Variants in MYH14 observed in about 807,000 individuals in gnomAD.
The protein encoded by MYH14 is myosin-14.
Under a neutral mutation model 255.5 loss-of-function variants are expected in MYH14, and 123 were observed. That is an observed-to-expected ratio of 0.48 (90% CI 0.42 to 0.56). The LOEUF (loss-of-function observed/expected upper bound fraction) is 0.56, where lower values mean the gene tolerates loss of function less well. Among genes scored for constraint, MYH14 ranks in the 20% least tolerant of loss-of-function variants. The pLI, the probability that MYH14 is intolerant of heterozygous loss-of-function variation, is 0.00. For missense variants in MYH14, 2,423 were observed against 2,802.3 expected, an observed-to-expected ratio of 0.86 and a Z score of 3.06; for synonymous variants, 1,095 against 1,161.2, an observed-to-expected ratio of 0.94 and a Z score of 1.16.
chr19:50,282,351 C>T (rs1410439253), intron 33 of MYH14, among the ~76,000 whole-genome samples: 1 of 152,188 alleles, frequency 6.6e-6, no homozygotes, highest in Non-Finnish European at 1.5e-5. Context: ...CTCTTGATGG[C>T]TGTGTGGCTT....
At chr19:50,240,562 G>A (rs1418246621) in intron 10 of MYH14, among the ~76,000 whole-genome samples, 5 of 151,898 alleles carry the variant, frequency 3.3e-5, no homozygotes, top group Non-Finnish European at 5.9e-5. Flanking sequence ...TCCAGCCTGG[G>A]CAACAGAGCA....
Position 50,219,054 on chromosome 19 carries a change from C to CTA in MYH14, c.562+1297_562+1298dup, listed in dbSNP as rs572041429. On this transcript the variant is annotated intron_variant, in intron 3 of 42. Transcript: ENST00000642316. The stretch of plus-strand genomic sequence containing the variant: ...ACCATGGGATATATACTCTCTCTCT[C>CTA]TATATATATATATATGAGTATTCCA... Among the ~76,000 whole-genome samples, 47 of 140,298 alleles carry CTA rather than the reference C, an allele frequency of 3.4e-4. No individual in the cohort carries two copies. The South Asian group carries it at 3.5e-3, about 11-fold the overall frequency. The allele number at this position is 140,298 out of a possible 152,430, so 92.0% of individuals were successfully genotyped here.
chr19:50,235,397 G>GT (rs2033614726), intron 10 of MYH14, among the ~76,000 whole-genome samples: 1 of 37,416 alleles, frequency 2.7e-5, no homozygotes, highest in Non-Finnish European at 9.1e-5. Flanking sequence ...TGCTCCAGCT[G>GT]GCCCCCCAGC....
rs149466156 is a variant in MYH14, at chr19:50,218,005, T to C, written c.562+234T>C. Among the ~76,000 whole-genome samples the C allele has an allele frequency of 3.9e-3, 601 of 152,176 alleles. 4 individuals are homozygous for C. The highest frequency in any genetic ancestry group is 0.024 in the Middle Eastern group (7 of 294). ...GTCTCTTTTATTATTGTTATTATTATTATTAGTTTGAGACGGAGTCTTGCT... is the reference window on the plus strand; with the variant it reads ...GTCTCTTTTATTATTGTTATTATTACTATTAGTTTGAGACGGAGTCTTGCT... On this transcript the variant is annotated intron_variant, in intron 3 of 42. Transcript: ENST00000642316.
intron 36 of MYH14, 64 bp downstream of exon 36, chr19:50,291,112 C>T: frequency 6.5e-7 from 1 of 1,548,544 alleles, no homozygotes; most frequent in Non-Finnish European, 8.8e-7. Flanking sequence ...AACCATCACT[C>T]CAGGGTCTAA....
Position 50,257,438 on chromosome 19 carries a change from C to A in MYH14, c.2184C>A (p.Asn728Lys). ...SLSRLMATLS[N>K]TNPSFVRCIV... is the part of the protein sequence containing the mutation. ...GCCGCCTCATGGCCACACTCAGCAA[C>A]ACCAACCCCAGTTTTGTCCGCTGCA... Residue 728 changes from asparagine (N) to lysine (K), a missense_variant, in exon 18 of 43, where the codon AAC becomes AAA. Physicochemically the swap from Asn to Lys is moderately conservative, Grantham distance 94. This residue lies in a region of MYH14 where 672 missense variants were observed against 881.8 expected (regional missense o/e 0.76). Coordinates refer to ENST00000642316, the MANE Select transcript of MYH14 (RefSeq NM_001145809.2). 1 of 1,608,172 alleles carries A rather than the reference C, an allele frequency of 6.2e-7. No individual in the cohort carries two copies. Among genetic ancestry groups the A allele is most frequent in the East Asian group, 2.2e-5 (1 of 44,714 alleles).
At chr19:50,287,694 T>C (rs887802934) in intron 34 of MYH14, among the ~76,000 whole-genome samples, 3 of 152,218 alleles carry the variant, frequency 2.0e-5, no homozygotes, top group East Asian at 1.9e-4. Context: ...ATTACAGGCA[T>C]GAGCCACTGC....
In MYH14 at chr19:50,270,365, A is replaced by G. The variant is rs548134204; in HGVS notation, c.3034-1044A>G. Among the ~76,000 whole-genome samples the G allele has an allele frequency of 2.6e-4, 40 of 152,034 alleles. No homozygotes were observed. In the East Asian group the frequency reaches 4.7e-3, roughly 18 times the overall value. ...GAAACCCCATCTCTACTAAAAATAC[A>G]AAAAATTAGCCAGGTGTGGTAGCGG... On this transcript the variant is annotated intron_variant, in intron 24 of 42. Transcript: ENST00000642316.
rs374603076 is a variant in MYH14, at chr19:50,227,664, A to G, written c.874+698A>G. Among the ~76,000 whole-genome samples the G allele has an allele frequency of 2.9e-4, 44 of 152,316 alleles. No individual in the cohort carries two copies. In the South Asian group the frequency reaches 8.3e-3, roughly 29 times the overall value. On this transcript the variant is annotated intron_variant, in intron 8 of 42. Coordinates refer to ENST00000642316, the MANE Select transcript of MYH14 (RefSeq NM_001145809.2). ...GCAGGCCTTTCCAGGGGAGCATCTC[A>G]GGACGGCTGTTTTCTGCTCAGATGG...
At position 50,268,303 on chromosome 19, in the gene MYH14, G is replaced by A; in HGVS notation, c.2969G>A (p.Gly990Asp). ...LVVSELEARV[G>D]EEEECSRQMQ... Reference sequence around the variant, plus strand: ...GTGTCAGAGCTGGAGGCTCGCGTGGGCGAGGAGGAGGAGTGCAGCCGTCAA... The same window carrying A: ...GTGTCAGAGCTGGAGGCTCGCGTGGACGAGGAGGAGGAGTGCAGCCGTCAA... The change falls in exon 24 of 43, where the codon GGC becomes GAC. Residue 990 changes from glycine to aspartate, a missense_variant. Coordinates refer to ENST00000642316, the MANE Select transcript of MYH14 (RefSeq NM_001145809.2). 2 of 1,588,476 alleles carry A rather than the reference G, an allele frequency of 1.3e-6. No homozygotes were observed. The highest frequency in any genetic ancestry group is 8.6e-7 in the Non-Finnish European group (1 of 1,168,798).
chr19:50,299,106 AAAAGAAAG>A (rs1014430515), intron 39 of MYH14, among the ~76,000 whole-genome samples: 23 of 152,230 alleles, frequency 1.5e-4, no homozygotes, highest in Non-Finnish European at 3.1e-4. Context: ...CAAAAAACAA[AAAAGAAAG>A]AAAGAAAGAA....
At chr19:50,229,718 T>C (rs1028324883) in intron 8 of MYH14, among the ~76,000 whole-genome samples, 2 of 152,096 alleles carry the variant, frequency 1.3e-5, no homozygotes, top group Non-Finnish European at 2.9e-5. Flanking sequence ...GTGACTTTCT[T>C]GGGAGGGAGA....
Position 50,224,177 on chromosome 19 carries a change from T to C in MYH14, c.717T>C (p.Tyr239=). 6.2e-7 allele frequency: 1 copy of C among 1,613,916 alleles called. No homozygotes were observed. The highest frequency in any genetic ancestry group is 8.5e-7 in the Non-Finnish European group (1 of 1,179,868). ...AGGCCTCCGTCAGCACCGTGTCTTA[T>C]GTGAGTAGCAGGGGATCACCTCGAG... ...GVPASVSTVS[Y]GELERQLLQA... The change falls in exon 6 of 43, where the codon TAT becomes TAC. Residue 239 remains tyrosine (Y), a splice_region_variant and synonymous_variant. Transcript: ENST00000642316.
At chr19:50,264,397 T>C (rs1245403121) in intron 22 of MYH14, among the ~76,000 whole-genome samples, 3 of 152,100 alleles carry the variant, frequency 2.0e-5, no homozygotes, top group Non-Finnish European at 2.9e-5. Flanking sequence ...ATCGTTAGCA[T>C]AGACTATCCA....
chr19:50,248,047 G>A (rs1455542576), intron 12 of MYH14, among the ~76,000 whole-genome samples: 8 of 132,764 alleles, frequency 6.0e-5, no homozygotes, highest in South Asian at 2.7e-4. Flanking sequence ...GTGACAGAGC[G>A]AGACTCTGTC....
intron 3 of MYH14, among the ~76,000 whole-genome samples, chr19:50,222,043 T>C (rs1363359393): frequency 1.3e-5 from 2 of 152,028 alleles, no homozygotes; most frequent in African/African-American, 2.4e-5. Flanking sequence ...TCCTGGTCAT[T>C]GTAGGATGTT....
chr19:50,223,514 T>G (rs1049219870), intron 5 of MYH14, 165 bp downstream of exon 5: 2 of 651,388 alleles, frequency 3.1e-6, no homozygotes, highest in Non-Finnish European at 5.6e-6. Flanking sequence ...GGAAGCAGAG[T>G]CAGGGGGACA....
rs1256165172 is a variant in MYH14, at chr19:50,266,731, C to T, written c.2695-146C>T. On this transcript the variant is annotated intron_variant, in intron 22 of 42. Coordinates refer to ENST00000642316, the MANE Select transcript of MYH14 (RefSeq NM_001145809.2). The surrounding 1 kb of genome is among the most constrained non-coding windows in gnomAD (Gnocchi z 4.1). ...GCCTGTACCTGTCAGTGTTCTAGGC[C>T]TGTGACCAGGGACTGTTGCCAAGGC... 4.1e-6 allele frequency: 4 copies of T among 973,608 alleles called. No individual in the cohort carries two copies. In the Admixed American group the frequency reaches 6.6e-5, roughly 16 times the overall value. 60.3% of individuals were successfully genotyped at this position (973,608 alleles called of 1,614,324 possible).
chr19:50,252,770 C>T lies in MYH14; in HGVS notation c.1945+17C>T. The T allele has an allele frequency of 1.3e-6, 2 of 1,533,882 alleles. No individual in the cohort carries two copies. The highest frequency in any genetic ancestry group is 1.8e-6 in the Non-Finnish European group (2 of 1,126,874). On this transcript the variant is annotated intron_variant, in intron 16 of 42. Transcript: ENST00000642316. This position sits in a 1 kb window ranked among gnomAD's most constrained non-coding sequence, Gnocchi z 4.2. Reference sequence around the variant, plus strand: ...GGAAAGACGGTGAGGACCCACTTCCCCCACCCCGGCTCTAGGGGTCTGTGC... The same window carrying T: ...GGAAAGACGGTGAGGACCCACTTCCTCCACCCCGGCTCTAGGGGTCTGTGC...
Sources: gnomAD v4.1 joint callset for allele counts (sites outside exome capture counted in the v4.1 genomes callset) on GRCh38, gnomAD v4.1.1 for gene constraint, gnomAD v4.1.1 regional missense constraint, Gnocchi (gnomAD v3.1) non-coding constraint, MANE v1.5 for transcripts, NCBI Gene and HGNC (gene_info 2026-07-23, HGNC 2026-07-21) for gene names.